KANK4: variants seen among roughly 807,000 people sequenced by gnomAD.
KANK4 encodes the protein KN motif and ankyrin repeat domains 4, also known as KN motif and ankyrin repeat domain-containing protein 4.
In KANK4, 50 loss-of-function variants were observed where a neutral mutation model predicts 80.8. That is an observed-to-expected ratio of 0.62 (90% CI 0.49 to 0.78). The LOEUF (loss-of-function observed/expected upper bound fraction) is 0.78. Ranked by LOEUF, KANK4 falls within the 30% of genes least tolerant of loss-of-function variation. The probability of loss-of-function intolerance (pLI) is 0.00; values close to 1 mark genes in which losing one functional copy is unlikely to be tolerated. For synonymous variants in KANK4, 465 were observed against 506.9 expected, an observed-to-expected ratio of 0.92 and a Z score of 1.11; for missense variants, 1,196 against 1,240.1, an observed-to-expected ratio of 0.96 and a Z score of 0.53.
intron 2 of KANK4, among the ~76,000 whole-genome samples, chr1:62,278,320 T>TCTTTCTTTCCTTC (rs1420040026): frequency 5.0e-5 from 3 of 60,526 alleles, no homozygotes; most frequent in Admixed American, 2.0e-4. Context: ...ACATTTTCTT[T>TCTTTCTTTCCTTC]CTTCCTTCCT....
intron 1 of KANK4, among the ~76,000 whole-genome samples, chr1:62,308,313 A>G (rs1644469826): frequency 6.6e-6 from 1 of 151,916 alleles, no homozygotes; most frequent in Non-Finnish European, 1.5e-5. Context: ...GGGCCTAATG[A>G]CCTCCTATTG....
At chr1:62,294,411 G>A (rs1253706527) in intron 1 of KANK4, among the ~76,000 whole-genome samples, 2 of 152,142 alleles carry the variant, frequency 1.3e-5, no homozygotes, top group African/African-American at 4.8e-5. Flanking sequence ...ACCCTCTTTG[G>A]GCAGCTCCCA....
chr1:62,291,164 T>G (rs890170488), intron 1 of KANK4, among the ~76,000 whole-genome samples: 2 of 152,234 alleles, frequency 1.3e-5, no homozygotes, highest in African/African-American at 4.8e-5. Context: ...GGTTTTGATT[T>G]GCATTTCCCC....
In KANK4 at chr1:62,237,155, G is replaced by C; in HGVS notation, c.*1122C>G. On this transcript the variant is annotated 3_prime_UTR_variant, in exon 10 of 10. Transcript: ENST00000371153. ...GCTTTTTTTTTTTTTTTTTGCATAA[G>C]AGATTTTAAGAGAGCAGATTTAAGA... 1 of 127,688 alleles carries C rather than the reference G, an allele frequency of 7.8e-6. No individual in the cohort carries two copies. The highest frequency in any genetic ancestry group is 8.7e-5 in the Admixed American group (1 of 11,504). 7.9% of individuals were successfully genotyped at this position (127,688 alleles called of 1,614,324 possible).
intron 2 of KANK4, among the ~76,000 whole-genome samples, chr1:62,275,777 C>A (rs1291982071): frequency 2.0e-5 from 3 of 147,382 alleles, no homozygotes; most frequent in Admixed American, 6.8e-5. Flanking sequence ...TAAACCCATG[C>A]CAAGTAAGGA....
intron 1 of KANK4, among the ~76,000 whole-genome samples, chr1:62,307,482 A>AAG (rs1252617123): frequency 1.3e-5 from 2 of 151,476 alleles, no homozygotes; most frequent in African/African-American, 4.9e-5. Flanking sequence ...ACTCTGCCAA[A>AAG]AAAAAAAAAA....
intron 1 of KANK4, among the ~76,000 whole-genome samples, chr1:62,305,995 CTCT>C (rs982074510): frequency 1.3e-5 from 2 of 152,032 alleles, no homozygotes; most frequent in African/African-American, 4.8e-5. Context: ...CTCTCTCTCT[CTCT>C]TTTTAACACA....
Position 62,281,621 on chromosome 1 carries a change from A to G in KANK4, c.-57T>C. ...ACTCTTCATCCAATGAGTCTGTAAA[A>G]CTTGTTGAAGGTTCTGAAAGAAAGG... is the stretch of plus-strand genomic sequence containing the variant. On this transcript the variant is annotated 5_prime_UTR_variant, in exon 2 of 10. Coordinates refer to ENST00000371153, the MANE Select transcript of KANK4 (RefSeq NM_181712.5). 6 of 1,605,606 alleles carry G rather than the reference A, an allele frequency of 3.7e-6. No homozygotes were observed. In the South Asian group the frequency reaches 5.5e-5, roughly 15 times the overall value.
At chr1:62,316,421 G>A (rs879478870) in intron 1 of KANK4, among the ~76,000 whole-genome samples, 4 of 152,174 alleles carry the variant, frequency 2.6e-5, no homozygotes, top group East Asian at 1.9e-4. Flanking sequence ...TACCAGGAAC[G>A]AAAAGAGGCT....
chr1:62,247,791 T>C, intron 8 of KANK4, 119 bp from the exon 9 acceptor site: 5 of 815,958 alleles, frequency 6.1e-6, no homozygotes, highest in Non-Finnish European at 1.0e-5. Flanking sequence ...TTGAATCTCC[T>C]GCCCTTGATA....
intron 1 of KANK4, among the ~76,000 whole-genome samples, chr1:62,302,000 G>C (rs570184460): frequency 2.0e-5 from 3 of 152,204 alleles, no homozygotes; most frequent in East Asian, 1.9e-4. Flanking sequence ...GAACAGGTAA[G>C]AAGGAAGAGC....
At chr1:62,307,551 G>A (rs966763810) in intron 1 of KANK4, among the ~76,000 whole-genome samples, 3 of 150,004 alleles carry the variant, frequency 2.0e-5, no homozygotes, top group African/African-American at 7.4e-5. Flanking sequence ...AGACTATAAT[G>A]TGAATAGTTT....
At position 62,275,094 on chromosome 1, in the gene KANK4, G is replaced by A; in HGVS notation, c.17-7C>T. ...TGAGAGGACTGGTCTTTGGCTGGGA[G>A]ACATAAGACAAGTTAAAAAAAAAAA... On this transcript the variant is annotated splice_region_variant and splice_polypyrimidine_tract_variant and intron_variant, in intron 2 of 9. Coordinates refer to ENST00000371153, the MANE Select transcript of KANK4 (RefSeq NM_181712.5). 5.1e-6 allele frequency: 8 copies of A among 1,568,234 alleles called. No individual in the cohort carries two copies. Among genetic ancestry groups the A allele is most frequent in the Non-Finnish European group, 6.9e-6 (8 of 1,158,972 alleles).
intron 1 of KANK4, among the ~76,000 whole-genome samples, chr1:62,286,093 C>T (rs1672558338): frequency 6.6e-6 from 1 of 152,212 alleles, no homozygotes; most frequent in African/African-American, 2.4e-5. Flanking sequence ...ACTCCATTCC[C>T]ACGTTTTTTG....
At chr1:62,315,097 C>T (rs977299710) in intron 1 of KANK4, among the ~76,000 whole-genome samples, 5 of 152,142 alleles carry the variant, frequency 3.3e-5, no homozygotes, top group African/African-American at 9.7e-5. Flanking sequence ...AGGCTGTTCA[C>T]AGAAAGGCCC....
chr1:62,253,413 T>C (rs551763215), intron 7 of KANK4, among the ~76,000 whole-genome samples: 310 of 141,376 alleles, frequency 2.2e-3, no homozygotes, highest in Non-Finnish European at 3.4e-3. Flanking sequence ...TTCTTTCTTT[T>C]TTTTTTTTTT....
chr1:62,280,637 T>C (rs1174876047), intron 2 of KANK4, among the ~76,000 whole-genome samples: 4 of 152,130 alleles, frequency 2.6e-5, no homozygotes, highest in East Asian at 1.9e-4. Context: ...AGTCAGGAGA[T>C]TGGGGTCTAG....
At chr1:62,271,370 T>C (rs1016201451) in intron 4 of KANK4, 108 bp downstream of exon 4, 2 of 776,440 alleles carry the variant, frequency 2.6e-6, no homozygotes, top group Non-Finnish European at 4.5e-6. Flanking sequence ...TTAATTCCCT[T>C]GAAGAGGAAT....
chr1:62,301,431 C>T (rs1163578469), intron 1 of KANK4, among the ~76,000 whole-genome samples: 3 of 151,972 alleles, frequency 2.0e-5, no homozygotes, highest in Non-Finnish European at 2.9e-5. Context: ...AACAGAACAC[C>T]GACACACAAA....
Sources: gnomAD v4.1 joint callset for allele counts (sites outside exome capture counted in the v4.1 genomes callset) on GRCh38, gnomAD v4.1.1 for gene constraint, MANE v1.5 for transcripts, NCBI Gene and HGNC (gene_info 2026-07-23, HGNC 2026-07-21) for gene names.